Variants in CPED1 observed in about 807,000 individuals in gnomAD.
CPED1 encodes the protein cadherin like and PC-esterase domain containing 1.
Under a neutral mutation model 128.2 loss-of-function variants are expected in CPED1, and 114 were observed. The ratio of observed to expected loss-of-function variants is 0.89; its 90% CI spans 0.76 to 1.04. The LOEUF (loss-of-function observed/expected upper bound fraction) is 1.04, where lower values mean the gene tolerates loss of function less well. Among genes scored for constraint, CPED1 ranks in the 50% least tolerant of loss-of-function variants. The pLI, the probability that CPED1 is intolerant of heterozygous loss-of-function variation, is 0.00. For synonymous variants in CPED1, 462 were observed against 426.7 expected, an observed-to-expected ratio of 1.08 and a Z score of -1.02; for missense variants, 1,211 against 1,207.1, an observed-to-expected ratio of 1.00 and a Z score of -0.05.
chr7:121,112,468 C>A (rs1300623219), intron 7 of CPED1, among the ~76,000 whole-genome samples: 1 of 60,430 alleles, frequency 1.7e-5, no homozygotes, highest in Admixed American at 2.4e-4. Context: ...CACCCACAAG[C>A]CAAGGAATGC....
chr7:121,075,597 G>A (rs966980280), intron 5 of CPED1, among the ~76,000 whole-genome samples: 1 of 151,938 alleles, frequency 6.6e-6, no homozygotes, highest in Non-Finnish European at 1.5e-5. Context: ...TGAGTAGCTG[G>A]GATTACAGGC....
intron 5 of CPED1, among the ~76,000 whole-genome samples, chr7:121,085,688 A>G (rs1192999678): frequency 6.6e-6 from 1 of 152,230 alleles, no homozygotes; most frequent in Non-Finnish European, 1.5e-5. Context: ...GGCCAGACAC[A>G]GTGGACTCCT....
At position 121,128,399 on chromosome 7, in the gene CPED1, G is replaced by T. The variant is rs772169197; in HGVS notation, c.1320G>T (p.Lys440Asn). The T allele has an allele frequency of 6.3e-7, 1 of 1,588,254 alleles. No individual in the cohort carries two copies. The highest frequency in any genetic ancestry group is 1.7e-5 in the Admixed American group (1 of 59,872). ...CAATACAGGGTGAAAACTATCAAAA[G>T]GAACTAAATCAGTGTCTGTCCTTAG... is the stretch of plus-strand genomic sequence containing the variant. ...SDVFKGENYQ[K>N]ELNQCLSLEE... Residue 440 changes from lysine (K) to asparagine (N), a missense_variant, in exon 11 of 23, where the codon AAG (lysine) becomes AAT (asparagine). Physicochemically the swap from Lys to Asn is moderately conservative, Grantham distance 94 (BLOSUM62 0). Transcript: ENST00000310396.
chr7:121,128,654 T>C (rs1056524878), intron 11 of CPED1, among the ~76,000 whole-genome samples, 168 bp downstream of exon 11: 50 of 152,164 alleles, frequency 3.3e-4, no homozygotes, highest in Admixed American at 2.6e-3. Flanking sequence ...ATGAGCAAGA[T>C]TTATATGCAT....
intron 11 of CPED1, 116 bp from the exon 12 acceptor site, chr7:121,130,009 T>C: frequency 1.1e-6 from 1 of 905,834 alleles, no homozygotes; most frequent in South Asian, 1.7e-5. Context: ...TACTGACCAA[T>C]GGATTTTTAA....
intron 5 of CPED1, among the ~76,000 whole-genome samples, chr7:121,069,729 GT>G (rs1793941673): frequency 6.6e-6 from 1 of 152,062 alleles, no homozygotes; most frequent in Non-Finnish European, 1.5e-5. Context: ...TGTTGCTAAT[GT>G]TTTTTGTTGC....
chr7:121,285,573 G>C (rs1311272743), intron 22 of CPED1, among the ~76,000 whole-genome samples: 2 of 152,144 alleles, frequency 1.3e-5, no homozygotes, highest in Non-Finnish European at 2.9e-5. Flanking sequence ...CATATTCAAA[G>C]TTCCACAGAT....
chr7:121,153,484 T>C (rs1436879906), intron 16 of CPED1, among the ~76,000 whole-genome samples: 3 of 152,228 alleles, frequency 2.0e-5, no homozygotes, highest in African/African-American at 7.2e-5. Context: ...TTATTGTGTG[T>C]TAGGTTCTAT....
chr7:121,041,639 T>C (rs373075202), intron 3 of CPED1, among the ~76,000 whole-genome samples: 18 of 152,156 alleles, frequency 1.2e-4, no homozygotes, highest in African/African-American at 3.6e-4. Context: ...AATGAGTGTT[T>C]GCTTTATGGC....
At chr7:121,018,377 C>A (rs1792358066) in intron 3 of CPED1, among the ~76,000 whole-genome samples, 1 of 152,084 alleles carries the variant, frequency 6.6e-6, no homozygotes, top group Admixed American at 6.6e-5. Flanking sequence ...TGTATATCAA[C>A]AGAGAATATG....
At chr7:121,053,867 T>C (rs78085921) in intron 4 of CPED1, among the ~76,000 whole-genome samples, 4,638 of 152,302 alleles carry the variant, frequency 0.03, 119 homozygotes, top group Non-Finnish European at 0.041. Context: ...CTATTGTTAT[T>C]AAATTTTTTG....
At chr7:121,152,207 C>G (rs945606671) in intron 16 of CPED1, among the ~76,000 whole-genome samples, 1 of 152,142 alleles carries the variant, frequency 6.6e-6, no homozygotes, top group Non-Finnish European at 1.5e-5. Context: ...CAGACGTTCA[C>G]TGTGTTTGCT....
At chr7:121,234,111 A>T (rs919080737) in intron 16 of CPED1, among the ~76,000 whole-genome samples, 1 of 152,018 alleles carries the variant, frequency 6.6e-6, no homozygotes, top group Non-Finnish European at 1.5e-5. Flanking sequence ...AGAGACTGGG[A>T]AATCAATTTT....
At position 121,236,711 on chromosome 7, in the gene CPED1, C is replaced by T; in HGVS notation, c.2056-3C>T. The T allele has an allele frequency of 1.9e-6, 3 of 1,539,424 alleles. No homozygotes were observed. The highest frequency in any genetic ancestry group is 2.6e-6 in the Non-Finnish European group (3 of 1,133,852). ...ACAACTAATATCTATTATTTTAATG[C>T]AGGATTGTGGTTTGCTGATTCATCC... On this transcript the variant is annotated splice_region_variant and splice_polypyrimidine_tract_variant and intron_variant, in intron 16 of 22. Coordinates refer to ENST00000310396, the MANE Select transcript of CPED1 (RefSeq NM_024913.5).
At chr7:121,241,376 A>AAC (rs1159349561) in intron 17 of CPED1, among the ~76,000 whole-genome samples, 2 of 48,774 alleles carry the variant, frequency 4.1e-5, no homozygotes. Flanking sequence ...AAAAAAAAAA[A>AAC]AAAAAAAAAG....
chr7:121,284,946 G>T (rs1792536589), intron 22 of CPED1, among the ~76,000 whole-genome samples: 2 of 152,176 alleles, frequency 1.3e-5, no homozygotes, highest in South Asian at 4.1e-4. Flanking sequence ...CTGTGTGGGG[G>T]CTCTGACCCC....
At chr7:121,126,643 C>G (rs1795510580) in intron 9 of CPED1, among the ~76,000 whole-genome samples, 1 of 152,034 alleles carries the variant, frequency 6.6e-6, no homozygotes, top group African/African-American at 2.4e-5. Flanking sequence ...TTATAGATGG[C>G]TCATACATTT....
chr7:121,088,670 A>AG, intron 5 of CPED1, among the ~76,000 whole-genome samples: 1 of 149,962 alleles, frequency 6.7e-6, no homozygotes, highest in Non-Finnish European at 1.5e-5. Context: ...AAAAAAAAAG[A>AG]AAAGTAGTCA....
chr7:121,166,313 A>G (rs1043307231), intron 16 of CPED1, among the ~76,000 whole-genome samples: 3 of 152,234 alleles, frequency 2.0e-5, no homozygotes, highest in African/African-American at 7.2e-5. Flanking sequence ...TAAAATGGAC[A>G]TAATTTATAC....
Sources: allele counts gnomAD v4.1 joint callset (sites outside exome capture counted in the v4.1 genomes callset), GRCh38; gene constraint gnomAD v4.1.1; transcripts MANE v1.5; gene names NCBI Gene and HGNC (gene_info 2026-07-23, HGNC 2026-07-21).